Variants in RAB5IF observed in about 807,000 individuals in gnomAD.
RAB5IF encodes the protein GEL complex subunit OPTI.
RAB5IF carries 15 observed loss-of-function variants against 20.3 expected under a neutral mutation model. The observed-to-expected ratio is 0.74, with a 90% CI of 0.50 to 1.14. The LOEUF is 1.14. Ranked by LOEUF, RAB5IF falls within the 50% of genes most tolerant of loss-of-function variation. The pLI is 0.00. For synonymous variants in RAB5IF, 67 were observed against 63.7 expected, an observed-to-expected ratio of 1.05 and a Z score of -0.25; for missense variants, 148 against 159.5, an observed-to-expected ratio of 0.93 and a Z score of 0.39.
intron 2 of RAB5IF, among the ~76,000 whole-genome samples, chr20:36,609,169 A>C (rs2039016937): frequency 6.1e-5 from 1 of 16,518 alleles, no homozygotes; most frequent in Non-Finnish European, 1.2e-4. Context: ...ACACACACAC[A>C]CACACACACA....
chr20:36,611,014 C>G (rs2147967473), intron 3 of RAB5IF, among the ~76,000 whole-genome samples: 1 of 152,264 alleles, frequency 6.6e-6, no homozygotes, highest in Non-Finnish European at 1.5e-5. Context: ...TTTTTTGACA[C>G]AGGCTCACCA....
intron 1 of RAB5IF, among the ~76,000 whole-genome samples, chr20:36,606,564 A>C (rs1011275623): frequency 2.6e-5 from 4 of 152,212 alleles, no homozygotes; most frequent in Non-Finnish European, 4.4e-5. Context: ...AGCCTTTTGC[A>C]CATAGTGAGG....
chr20:36,606,018 T>G lies in RAB5IF; in HGVS notation c.67T>G (p.Ser23Ala), dbSNP rs2038923891. 2.0e-6 allele frequency: 3 copies of G among 1,529,480 alleles called. No individual in the cohort carries two copies. The East Asian group carries it at 7.7e-5, about 39-fold the overall frequency. 94.7% of individuals were successfully genotyped at this position (1,529,480 alleles called of 1,614,324 possible). The change falls in exon 1 of 4, where the codon TCC (serine) becomes GCC (alanine). Residue 23 changes from serine to alanine, a missense_variant. Ser to Ala is a moderately conservative substitution (Grantham distance 99, BLOSUM62 1). Transcript: ENST00000344795. ...GCTGGCCAACGGGGCCCTCAAAGTC[T>G]CCGTCTGGAGTAAGGTGCTGCGGAG... ...PQLANGALKV[S>A]VWSKVLRSDA...
intron 2 of RAB5IF, among the ~76,000 whole-genome samples, chr20:36,609,272 G>A (rs1056459272): frequency 7.6e-6 from 1 of 130,852 alleles, no homozygotes; most frequent in African/African-American, 2.9e-5. Flanking sequence ...ATAGAGTTTC[G>A]CTGTTGCCCA....
At chr20:36,609,156 T>TACATACATACATACATACACACACAC in intron 2 of RAB5IF, among the ~76,000 whole-genome samples, 4 of 17,064 alleles carry the variant, frequency 2.3e-4, no homozygotes, top group Admixed American at 6.2e-4. Context: ...AGAACTATAT[T>TACATACATACATACATACACACACAC]ACACACACAC....
Position 36,605,957 on chromosome 20 carries a change from C to G in RAB5IF, c.6C>G (p.Ser2Arg). Reference sequence around the variant, plus strand: ...CCGGGCGGCGCGACGGGAGGATGAGCGGCGGGCGGCGGAAGGAGGAGCCGC... The same window carrying G: ...CCGGGCGGCGCGACGGGAGGATGAGGGGCGGGCGGCGGAAGGAGGAGCCGC... M[S>R]GGRRKEEPPQ... Residue 2 changes from serine (S) to arginine (R), a missense_variant, in exon 1 of 4, where the codon AGC becomes AGG. Physicochemically the swap from Ser to Arg is moderately radical, Grantham distance 110 (BLOSUM62 -1). Transcript: ENST00000344795. 4.0e-6 allele frequency: 6 copies of G among 1,498,954 alleles called. No homozygotes were observed. The highest frequency in any genetic ancestry group is 5.4e-6 in the Non-Finnish European group (6 of 1,120,016). 92.9% of individuals were successfully genotyped at this position (1,498,954 alleles called of 1,614,324 possible). A position where few individuals can be genotyped will look rare whatever the true frequency, so the allele number is the denominator to read the frequency against.
chr20:36,609,190 C>CT (rs2039023613), intron 2 of RAB5IF, among the ~76,000 whole-genome samples: 1 of 52,124 alleles, frequency 1.9e-5, no homozygotes, highest in African/African-American at 9.7e-5. Context: ...CACACACACA[C>CT]ACACGCACAC....
intron 1 of RAB5IF, among the ~76,000 whole-genome samples, chr20:36,606,875 C>G (rs59102010): frequency 7.2e-5 from 11 of 152,144 alleles, no homozygotes; most frequent in Admixed American, 1.3e-4. Flanking sequence ...TCTGGGCTGC[C>G]GAAGTGGATT....
In RAB5IF at chr20:36,605,794, C is replaced by T. The variant is rs992795738; in HGVS notation, c.-158C>T. The T allele has an allele frequency of 2.3e-4, 94 of 404,596 alleles. No individual in the cohort carries two copies. The highest frequency in any genetic ancestry group is 1.8e-3 in the African/African-American group (85 of 48,244). The allele number at this position is 404,596 out of a possible 1,614,324, so 25.1% of individuals were successfully genotyped here. On this transcript the variant is annotated 5_prime_UTR_variant, in exon 1 of 4. Coordinates refer to ENST00000344795, the MANE Select transcript of RAB5IF (RefSeq NM_018840.5). ...CGCCTGCTCTGTAGAGCCGGCGGAA[C>T]CGGGTAGCTTGGCCAGGTTGTGAGG...
At chr20:36,606,147 C>T (rs978066715) in intron 1 of RAB5IF, 82 bp downstream of exon 1, 17 of 873,170 alleles carry the variant, frequency 1.9e-5, no homozygotes, top group Middle Eastern at 3.2e-4. Context: ...GGCCTGCCCT[C>T]GTCCTCGTTC....
rs1331843241 is a variant in RAB5IF at position 36,605,957 on chromosome 20, C to T, written c.6C>T (p.Ser2=). 5 of 1,498,948 alleles carry T rather than the reference C, an allele frequency of 3.3e-6. No individual in the cohort carries two copies. The highest frequency in any genetic ancestry group is 4.5e-6 in the Non-Finnish European group (5 of 1,120,012). The allele number at this position is 1,498,948 out of a possible 1,614,324, so 92.9% of individuals were successfully genotyped here. A position where few individuals can be genotyped will look rare whatever the true frequency, so the allele number is the denominator to read the frequency against. ...CCGGGCGGCGCGACGGGAGGATGAG[C>T]GGCGGGCGGCGGAAGGAGGAGCCGC... M[S]GGRRKEEPPQ... The change falls in exon 1 of 4, where the codon AGC becomes AGT. Residue 2 remains serine (S), a synonymous_variant. Coordinates refer to ENST00000344795, the MANE Select transcript of RAB5IF (RefSeq NM_018840.5).
chr20:36,609,258 A>ACACACACACACACACACACACAC (rs1555790847), intron 2 of RAB5IF, among the ~76,000 whole-genome samples: 2 of 99,150 alleles, frequency 2.0e-5, no homozygotes, highest in African/African-American at 8.3e-5. Flanking sequence ...CACACACACT[A>ACACACACACACACACACACACAC]TATATAGAGT....
At chr20:36,609,249 A>ACC (rs2039042619) in intron 2 of RAB5IF, among the ~76,000 whole-genome samples, 1 of 134,778 alleles carries the variant, frequency 7.4e-6, no homozygotes, top group African/African-American at 3.2e-5. Context: ...ACACACACAC[A>ACC]CACACACTAT....
intron 2 of RAB5IF, among the ~76,000 whole-genome samples, chr20:36,609,156 T>TACATACATACATATACACACAC: frequency 0.027 from 465 of 17,052 alleles, 144 homozygotes; most frequent in Non-Finnish European, 0.032. Flanking sequence ...AGAACTATAT[T>TACATACATACATATACACACAC]ACACACACAC....
chr20:36,609,806 A>G (rs1466183477), intron 3 of RAB5IF, 76 bp downstream of exon 3: 1 of 1,613,286 alleles, frequency 6.2e-7, no homozygotes, highest in Non-Finnish European at 8.5e-7. Context: ...GACCCCACTG[A>G]TTGAGTTACA....
chr20:36,606,288 G>C (rs1253459564), intron 1 of RAB5IF, among the ~76,000 whole-genome samples: 1 of 152,234 alleles, frequency 6.6e-6, no homozygotes, highest in African/African-American at 2.4e-5. Context: ...CTAGTTATGC[G>C]GAATTGGCGA....
chr20:36,606,222 C>G (rs930210719), intron 1 of RAB5IF, among the ~76,000 whole-genome samples, 157 bp downstream of exon 1: 1 of 152,168 alleles, frequency 6.6e-6, no homozygotes, highest in Non-Finnish European at 1.5e-5. Flanking sequence ...TTGGCGGGCA[C>G]TGGGCGGACA....
chr20:36,607,967 G>A (rs2038975189), intron 2 of RAB5IF, 149 bp downstream of exon 2: 1 of 1,502,668 alleles, frequency 6.7e-7, no homozygotes, highest in Non-Finnish European at 8.9e-7. Flanking sequence ...TGGCACTCCT[G>A]GGTCTGGTGC....
intron 3 of RAB5IF, 167 bp downstream of exon 3, chr20:36,609,897 GT>G: frequency 8.4e-7 from 1 of 1,186,862 alleles, no homozygotes; most frequent in Non-Finnish European, 1.2e-6. Context: ...CCCAGAAGAT[GT>G]GGTCTGATAT....
Sources: gnomAD v4.1 joint callset for allele counts (sites outside exome capture counted in the v4.1 genomes callset) on GRCh38, gnomAD v4.1.1 for gene constraint, MANE v1.5 for transcripts, NCBI Gene and HGNC (gene_info 2026-07-23, HGNC 2026-07-21) for gene names.